The following PPA1 variants were observed in gnomAD, a reference collection of about 807,000 sequenced individuals.
The protein encoded by PPA1 is inorganic pyrophosphatase.
A neutral mutation model predicts 41.8 loss-of-function variants in PPA1; 23 were observed. That is an observed-to-expected ratio of 0.55 (90% CI 0.40 to 0.78). PPA1 has a LOEUF of 0.78. PPA1 is among the 30% of genes least tolerant of loss of function. The probability of loss-of-function intolerance (pLI) is 0.00; values close to 1 mark genes in which losing one functional copy is unlikely to be tolerated. For missense variants in PPA1, 320 were observed against 361.6 expected (o/e 0.89, Z 0.93); for synonymous variants, 101 against 116.8 (o/e 0.86, Z 0.87).
intron 8 of PPA1, among the ~76,000 whole-genome samples, chr10:70,208,831 C>T (rs1373722650): frequency 1.4e-5 from 2 of 146,516 alleles, no homozygotes; most frequent in Admixed American, 6.9e-5. Flanking sequence ...CTCGCTCTGT[C>T]GCCCAGGCTG....
intron 5 of PPA1, 88 bp downstream of exon 5, chr10:70,214,412 T>A (rs1429038699): frequency 8.5e-6 from 9 of 1,057,150 alleles, no homozygotes; most frequent in Non-Finnish European, 1.1e-5. Flanking sequence ...TATTCATGCA[T>A]TTTATTCACA....
At chr10:70,209,448 G>T in intron 7 of PPA1, 110 bp downstream of exon 7, 1 of 1,381,440 alleles carries the variant, frequency 7.2e-7, no homozygotes, top group Non-Finnish European at 9.8e-7. Flanking sequence ...CCAAGACTGT[G>T]TTATGTTTCC....
intron 3 of PPA1, chr10:70,218,506 GA>G: frequency 2.2e-6 from 1 of 446,916 alleles, no homozygotes; most frequent in Non-Finnish European, 4.0e-6. Context: ...AGTAAGAGGA[GA>G]AAAAGTAATT....
intron 1 of PPA1, 113 bp downstream of exon 1, chr10:70,233,151 G>T (rs935893428): frequency 6.6e-6 from 8 of 1,203,008 alleles, no homozygotes; most frequent in African/African-American, 1.6e-5. Flanking sequence ...CCGAGGAGAC[G>T]GGCCCGCGTC....
In PPA1 at chr10:70,233,295, C is replaced by T; in HGVS notation, c.33G>A (p.Ala11=). The T allele has an allele frequency of 6.5e-7, 1 of 1,542,654 alleles. No individual in the cohort carries two copies. The highest frequency in any genetic ancestry group is 8.7e-7 in the Non-Finnish European group (1 of 1,144,560). MSGFSTEERA[A]PFSLEYRVFL... ...AGACTCGGTACTCCAGGGAGAAGGG[C>T]GCGGCGCGCTCCTCGGTGCTGAAGC... Residue 11 remains alanine, a synonymous_variant, in exon 1 of 11, where the codon GCG becomes GCA. Transcript: ENST00000373232.
intron 8 of PPA1, among the ~76,000 whole-genome samples, chr10:70,206,988 T>C (rs886720143): frequency 6.6e-6 from 1 of 150,646 alleles, no homozygotes; most frequent in African/African-American, 2.5e-5. Flanking sequence ...TCTTTCTTAA[T>C]TGGAAAAAAT....
intron 2 of PPA1, among the ~76,000 whole-genome samples, chr10:70,221,055 A>ATTTTTATATATAT (rs1232241016): frequency 9.6e-5 from 4 of 41,664 alleles, no homozygotes; most frequent in African/African-American, 6.7e-4. Context: ...ATATATATAT[A>ATTTTTATATATAT]ATTTATATAT....
intron 2 of PPA1, among the ~76,000 whole-genome samples, chr10:70,220,253 CTT>C (rs33951004): frequency 8.9e-4 from 107 of 119,884 alleles, no homozygotes; most frequent in Admixed American, 1.2e-3. Flanking sequence ...ATAAAAAGTA[CTT>C]TTTTTTTTTT....
chr10:70,218,928 T>C, intron 2 of PPA1, 111 bp from the exon 3 acceptor site: 2 of 739,348 alleles, frequency 2.7e-6, no homozygotes, highest in South Asian at 3.3e-5. Context: ...ATCTTTGAAG[T>C]CAATTGGATT....
At chr10:70,220,909 ATAATATATATAATTTTTATATATAC>A in intron 2 of PPA1, among the ~76,000 whole-genome samples, 1 of 8,460 alleles carries the variant, frequency 1.2e-4, no homozygotes, top group South Asian at 3.0e-3. Flanking sequence ...TAATTTATAT[ATAATATATATAATTTTTATATATAC>A]TATATATATA....
chr10:70,215,700 C>T (rs1168742922), intron 4 of PPA1, among the ~76,000 whole-genome samples: 3 of 152,114 alleles, frequency 2.0e-5, no homozygotes, highest in South Asian at 2.1e-4. Flanking sequence ...AGACTGGTCT[C>T]GAACTCCTGA....
chr10:70,232,990 C>A (rs962725617), intron 1 of PPA1, among the ~76,000 whole-genome samples: 1 of 152,204 alleles, frequency 6.6e-6, no homozygotes, highest in African/African-American at 2.4e-5. Flanking sequence ...CAGACACCTG[C>A]AAAACTAGCT....
chr10:70,215,476 T>C (rs2136758153), intron 4 of PPA1, among the ~76,000 whole-genome samples: 1 of 152,086 alleles, frequency 6.6e-6, no homozygotes, highest in Middle Eastern at 3.4e-3. Context: ...CTTCCTTTTT[T>C]TTCTTTTTTT....
chr10:70,226,368 G>A (rs2136770193), intron 2 of PPA1, among the ~76,000 whole-genome samples: 1 of 152,158 alleles, frequency 6.6e-6, no homozygotes, highest in East Asian at 1.9e-4. Flanking sequence ...GAGCTCAGGA[G>A]TTCGAGACCA....
rs1488262641 is a variant in PPA1, at chr10:70,233,354, G to A, written c.-27C>T. 3.9e-6 allele frequency: 6 copies of A among 1,531,314 alleles called. No homozygotes were observed. The highest frequency in any genetic ancestry group is 2.6e-6 in the Non-Finnish European group (3 of 1,141,614). 94.9% of individuals were successfully genotyped at this position (1,531,314 alleles called of 1,614,324 possible). ...GTGCCGGAGTCCTGCCGCCGCCGCT[G>A]CCACAGAGCCACCAGCCCGCACGCG... On this transcript the variant is annotated 5_prime_UTR_variant, in exon 1 of 11. Coordinates refer to ENST00000373232, the MANE Select transcript of PPA1 (RefSeq NM_021129.4).
chr10:70,209,795 C>G (rs529233778), intron 6 of PPA1, 110 bp from the exon 7 acceptor site: 1 of 1,269,984 alleles, frequency 7.9e-7, no homozygotes, highest in East Asian at 2.4e-5. Context: ...AACAAAAATT[C>G]CAAGTACTTA....
intron 2 of PPA1, among the ~76,000 whole-genome samples, chr10:70,221,447 A>G (rs1307203878): frequency 6.6e-6 from 1 of 151,752 alleles, no homozygotes; most frequent in Admixed American, 6.6e-5. Context: ...AAGAATGGAG[A>G]TATTACTTAA....
intron 2 of PPA1, among the ~76,000 whole-genome samples, chr10:70,229,368 T>C (rs1161948258): frequency 6.6e-6 from 1 of 152,234 alleles, no homozygotes; most frequent in African/African-American, 2.4e-5. Flanking sequence ...TGGACTCAAG[T>C]GATCCTCCCA....
Position 70,233,139 on chromosome 10 carries a change from G to A in PPA1, c.64+125C>T. ...TGAGGCCGGCCAGGCCCCACAACGCGCCCGAGGAGACGGGCCCGCGTCGGA... is the reference window on the plus strand; with the variant it reads ...TGAGGCCGGCCAGGCCCCACAACGCACCCGAGGAGACGGGCCCGCGTCGGA... On this transcript the variant is annotated intron_variant, in intron 1 of 10. Transcript: ENST00000373232. The A allele has an allele frequency of 1.2e-5, 13 of 1,118,392 alleles. No individual in the cohort carries two copies. The South Asian group carries it at 2.3e-4, about 20-fold the overall frequency. 69.3% of individuals were successfully genotyped at this position (1,118,392 alleles called of 1,614,324 possible).
Sources: gnomAD v4.1 joint callset for allele counts (sites outside exome capture counted in the v4.1 genomes callset) on GRCh38, gnomAD v4.1.1 for gene constraint, MANE v1.5 for transcripts, NCBI Gene and HGNC (gene_info 2026-07-23, HGNC 2026-07-21) for gene names.